ASH1L: variants seen among roughly 807,000 people sequenced by gnomAD.
ASH1L encodes histone-lysine N-methyltransferase ASH1L.
Under a neutral mutation model 269.0 loss-of-function variants are expected in ASH1L, and 23 were observed. That is an observed-to-expected ratio of 0.09 (90% CI 0.06 to 0.12). The LOEUF is 0.12. ASH1L is among the 10% of genes least tolerant of loss of function. The probability of loss-of-function intolerance (pLI) is 1.00; values close to 1 mark genes in which losing one functional copy is unlikely to be tolerated. For synonymous variants in ASH1L, 1,187 were observed against 1,253.5 expected, an observed-to-expected ratio of 0.95 and a Z score of 1.12; for missense variants, 2,912 against 3,567.8, an observed-to-expected ratio of 0.82 and a Z score of 4.68.
intron 7 of ASH1L, among the ~76,000 whole-genome samples, chr1:155,389,033 T>C (rs945002069): frequency 1.1e-4 from 16 of 145,604 alleles, no homozygotes; most frequent in Admixed American, 1.0e-3. Context: ...TGAGACAGAG[T>C]CTTGCTCTGT....
chr1:155,406,564 T>C (rs1451471763), intron 6 of ASH1L, among the ~76,000 whole-genome samples: 1 of 151,862 alleles, frequency 6.6e-6, no homozygotes, highest in East Asian at 1.9e-4. Flanking sequence ...AATAGCTGGG[T>C]GTGGTGGTGA....
At chr1:155,349,638 C>T (rs755597665) in intron 17 of ASH1L, 42 bp from the exon 18 acceptor site, 5 of 1,570,616 alleles carry the variant, frequency 3.2e-6, no homozygotes, top group Non-Finnish European at 4.4e-6. Context: ...TTCCACCATA[C>T]AAGGGAGGCA....
In ASH1L at chr1:155,349,739, CAG is replaced by C. The variant is rs1171323294; in HGVS notation, c.7367-145_7367-144del. On this transcript the variant is annotated intron_variant, in intron 17 of 27. Transcript: ENST00000392403. ...TTTTTTTTTTTTTTTTTTTTTGAGACAGAGTCTCACTCTTGTCGCCCAGGCTG... is the reference window on the plus strand; with the variant it reads ...TTTTTTTTTTTTTTTTTTTTTGAGACAGTCTCACTCTTGTCGCCCAGGCTG... 3.2e-5 allele frequency: 22 copies of C among 688,796 alleles called. No individual in the cohort carries two copies. The Middle Eastern group carries it at 2.3e-3, about 71-fold the overall frequency. The allele number at this position is 688,796 out of a possible 1,614,324, so 42.7% of individuals were successfully genotyped here.
chr1:155,514,405 G>A (rs530699123), intron 2 of ASH1L, among the ~76,000 whole-genome samples: 2 of 152,262 alleles, frequency 1.3e-5, no homozygotes, highest in South Asian at 4.1e-4. Flanking sequence ...TAATACTGGT[G>A]TAAAAGTAAC....
chr1:155,475,674 T>C (rs1028238193), intron 3 of ASH1L, among the ~76,000 whole-genome samples: 2 of 152,224 alleles, frequency 1.3e-5, no homozygotes, highest in Admixed American at 6.5e-5. Context: ...CTATTGTATA[T>C]GCCAGTGACT....
At chr1:155,378,645 C>T in intron 8 of ASH1L, 97 bp from the exon 9 acceptor site, 1 of 920,592 alleles carries the variant, frequency 1.1e-6, no homozygotes, top group East Asian at 2.4e-5. Context: ...TCTATGTGCT[C>T]TGCTCATCTG....
chr1:155,538,572 G>GAC (rs916297092), intron 1 of ASH1L, among the ~76,000 whole-genome samples: 5 of 148,686 alleles, frequency 3.4e-5, no homozygotes, highest in African/African-American at 1.2e-4. Context: ...TTGAACTCCT[G>GAC]ACCTCGTGAT....
intron 4 of ASH1L, among the ~76,000 whole-genome samples, chr1:155,441,916 C>G (rs1270482718): frequency 6.6e-6 from 1 of 151,962 alleles, no homozygotes; most frequent in East Asian, 1.9e-4. Context: ...CAGGCATGCA[C>G]CAACATGCCC....
chr1:155,454,269 T>A (rs1472103458), intron 4 of ASH1L, among the ~76,000 whole-genome samples: 1 of 152,166 alleles, frequency 6.6e-6, no homozygotes, highest in Non-Finnish European at 1.5e-5. Context: ...TTCCACAAGG[T>A]TACATGATAT....
Position 155,480,476 on chromosome 1 carries a change from T to G in ASH1L, c.2394A>C (p.Lys798Asn). Residue 798 changes from lysine to asparagine, a missense_variant, in exon 3 of 28, where the codon AAA becomes AAC. Lys to Asn is a moderately conservative substitution (Grantham distance 94). Transcript: ENST00000392403. ...PSLALLADSEKPSHKSFATHK... is the reference protein window; with the variant it reads ...PSLALLADSENPSHKSFATHK... ...GAGTAGCAAAAGACTTATGAGATGG[T>G]TTTTCACTATCAGCTAAGAGAGCAA... The G allele has an allele frequency of 6.2e-7, 1 of 1,613,838 alleles. No homozygotes were observed. The highest frequency in any genetic ancestry group is 8.5e-7 in the Non-Finnish European group (1 of 1,179,842).
intron 4 of ASH1L, among the ~76,000 whole-genome samples, chr1:155,449,361 T>C (rs1000146790): frequency 6.6e-6 from 1 of 152,240 alleles, no homozygotes; most frequent in African/African-American, 2.4e-5. Flanking sequence ...ATTTCATAAC[T>C]TGTGTTACTG....
chr1:155,339,381 AAAGG>A lies in ASH1L; in HGVS notation c.8461-17_8461-14del. On this transcript the variant is annotated splice_polypyrimidine_tract_variant and intron_variant, in intron 25 of 27. Transcript: ENST00000392403. ...GGACGTAATGAGGCTGCAGAGAAGA[AAAGG>A]AAGAGGTAAGCATATTGTAGAAGCT... The A allele has an allele frequency of 6.2e-7, 1 of 1,613,472 alleles. No homozygotes were observed. Among genetic ancestry groups the A allele is most frequent in the Non-Finnish European group, 8.5e-7 (1 of 1,179,436 alleles).
rs138009757 is a variant in ASH1L at position 155,559,228 on chromosome 1, T to C, written c.-100+2925A>G. On this transcript the variant is annotated intron_variant, in intron 1 of 27. Coordinates refer to ENST00000392403, the MANE Select transcript of ASH1L (RefSeq NM_018489.3). ...AATGTTTGCCTTCTTCTCAAACCAA[T>C]AGTTCCTTTATACAAAAACACCAGA... Among the ~76,000 whole-genome samples the C allele has an allele frequency of 5.7e-4, 86 of 152,182 alleles. 1 individual carries two copies. In the East Asian group the frequency reaches 8.5e-3, roughly 15 times the overall value.
Position 155,441,766 on chromosome 1 carries a change from T to G in ASH1L, c.5087-2698A>C, listed in dbSNP as rs1372918346. On this transcript the variant is annotated intron_variant, in intron 4 of 27. Transcript: ENST00000392403. The stretch of plus-strand genomic sequence containing the variant: ...CAGGTGTGAGCCACTGCGCCTGGCC[T>G]TTTTTTTTTTTTTTTTGGAGACAGG... Among the ~76,000 whole-genome samples, 4 of 122,580 alleles carry G rather than the reference T, an allele frequency of 3.3e-5. No individual in the cohort carries two copies. In the East Asian group the frequency reaches 8.6e-4, roughly 26 times the overall value. The allele number at this position is 122,580 out of a possible 152,430, so 80.4% of individuals were successfully genotyped here.
chr1:155,483,645 C>A (rs1231178739), intron 2 of ASH1L, among the ~76,000 whole-genome samples: 1 of 151,786 alleles, frequency 6.6e-6, no homozygotes, highest in Non-Finnish European at 1.5e-5. Context: ...CTTTGAGGGT[C>A]TACCCAAGAT....
intron 6 of ASH1L, among the ~76,000 whole-genome samples, chr1:155,414,070 C>T (rs1660015731): frequency 6.6e-6 from 1 of 152,100 alleles, no homozygotes; most frequent in African/African-American, 2.4e-5. Context: ...TACTTTAACA[C>T]CACCAAACGA....
At position 155,439,055 on chromosome 1, in the gene ASH1L, G is replaced by C; in HGVS notation, c.5100C>G (p.Pro1700=). 1.2e-6 allele frequency: 2 copies of C among 1,604,854 alleles called. No homozygotes were observed. The highest frequency in any genetic ancestry group is 1.7e-6 in the Non-Finnish European group (2 of 1,175,766). The change falls in exon 5 of 28, where the codon CCC becomes CCG. Residue 1700 remains proline (P), a synonymous_variant. Transcript: ENST00000392403. ...ESTSSTVNGV[P]SRSPRLVASG... is the part of the protein sequence containing the mutation. ...AAGCAACTAATCTTGGACTTCGAGAGGGAACTCCGTTTACTGAAAGAGACA... is the reference window on the plus strand; with the variant it reads ...AAGCAACTAATCTTGGACTTCGAGACGGAACTCCGTTTACTGAAAGAGACA...
chr1:155,537,911 G>A (rs1670163821), intron 1 of ASH1L, among the ~76,000 whole-genome samples: 1 of 152,142 alleles, frequency 6.6e-6, no homozygotes. Context: ...AGTCTTATCT[G>A]CTGATCTGAT....
chr1:155,556,787 G>A (rs1671625441), intron 1 of ASH1L, among the ~76,000 whole-genome samples: 1 of 152,070 alleles, frequency 6.6e-6, no homozygotes, highest in Admixed American at 6.6e-5. Flanking sequence ...GGTAGCTCAT[G>A]CCTATAATTC....
Sources: allele counts gnomAD v4.1 joint callset (sites outside exome capture counted in the v4.1 genomes callset), GRCh38; gene constraint gnomAD v4.1.1; transcripts MANE v1.5; gene names NCBI Gene and HGNC (gene_info 2026-07-23, HGNC 2026-07-21).